SENP7: variants seen among roughly 807,000 people sequenced by gnomAD.
SENP7 encodes SUMO specific peptidase 7.
SENP7 carries 64 observed loss-of-function variants against 141.2 expected under a neutral mutation model. The ratio of observed to expected loss-of-function variants is 0.45; its 90% confidence interval spans 0.37 to 0.56. SENP7 has a LOEUF of 0.56. SENP7 is among the 20% of genes least tolerant of loss of function. SENP7 has a pLI of 0.00. For missense variants in SENP7, 1,025 were observed against 1,212.2 expected, an observed-to-expected ratio of 0.85 and a Z score of 2.29; for synonymous variants, 382 against 426.4, an observed-to-expected ratio of 0.90 and a Z score of 1.28.
At chr3:101,425,185 A>G (rs1390710852) in intron 4 of SENP7, among the ~76,000 whole-genome samples, 1 of 152,212 alleles carries the variant, frequency 6.6e-6, no homozygotes, top group Non-Finnish European at 1.5e-5. Flanking sequence ...TGCTGCTGGC[A>G]CATGCAAATG....
At chr3:101,451,282 G>C (rs144588074) in intron 4 of SENP7, among the ~76,000 whole-genome samples, 1,774 of 152,256 alleles carry the variant, frequency 0.012, 12 homozygotes, top group Middle Eastern at 0.017. Flanking sequence ...AATTCTACCA[G>C]AGGTACAAAG....
At position 101,324,961 on chromosome 3, in the gene SENP7, T is replaced by C. The variant is rs1398340938; in HGVS notation, c.*982A>G. The C allele has an allele frequency of 6.6e-6, 1 of 151,980 alleles. No individual in the cohort carries two copies. Among genetic ancestry groups the C allele is most frequent in the African/African-American group, 2.4e-5 (1 of 41,402 alleles). 9.4% of individuals were successfully genotyped at this position (151,980 alleles called of 1,614,324 possible). On this transcript the variant is annotated 3_prime_UTR_variant, in exon 24 of 24. Coordinates refer to ENST00000394095, the MANE Select transcript of SENP7 (RefSeq NM_020654.5). ...GATCATAGGTCTCTAAAAGCTACAA[T>C]TTAAAAATATAAAAGCAATGAGAGC...
chr3:101,488,034 G>C (rs2064803104), intron 3 of SENP7, among the ~76,000 whole-genome samples: 1 of 152,158 alleles, frequency 6.6e-6, no homozygotes, highest in Non-Finnish European at 1.5e-5. Context: ...CATTGAATCT[G>C]TAGACTGCTT....
intron 4 of SENP7, among the ~76,000 whole-genome samples, chr3:101,431,508 CT>C (rs56937965): frequency 0.041 from 3,395 of 82,872 alleles, 18 homozygotes; most frequent in Non-Finnish European, 0.053. Flanking sequence ...GCAACCCCTG[CT>C]TTTTTTTTTT....
chr3:101,438,592 A>G (rs1302330043), intron 4 of SENP7, among the ~76,000 whole-genome samples: 1 of 152,236 alleles, frequency 6.6e-6, no homozygotes. Flanking sequence ...ATTTTACTAC[A>G]ATAAAAAAAC....
chr3:101,359,302 G>A (rs1311851904), intron 11 of SENP7: 1 of 151,692 alleles, frequency 6.6e-6, no homozygotes, highest in East Asian at 1.9e-4. Context: ...CACTGATTTT[G>A]TGTCCTAAAA....
intron 18 of SENP7, 85 bp from the exon 19 acceptor site, chr3:101,332,194 G>T: frequency 7.6e-7 from 1 of 1,313,348 alleles, no homozygotes. Context: ...GAGAAAGTGA[G>T]AATAAATTTC....
chr3:101,332,940 A>G, intron 17 of SENP7, 78 bp from the exon 18 acceptor site: 1 of 1,339,508 alleles, frequency 7.5e-7, no homozygotes, highest in Non-Finnish European at 1.0e-6. Flanking sequence ...ATTTTTATAT[A>G]TTGAAATATC....
intron 23 of SENP7, among the ~76,000 whole-genome samples, chr3:101,327,301 G>A (rs1292798294): frequency 2.0e-5 from 3 of 152,020 alleles, no homozygotes; most frequent in African/African-American, 7.2e-5. Flanking sequence ...TGTGGTGGGA[G>A]GGACCTGGTA....
At chr3:101,496,863 C>A (rs547825718) in intron 2 of SENP7, among the ~76,000 whole-genome samples, 109 of 152,336 alleles carry the variant, frequency 7.2e-4, no homozygotes, top group African/African-American at 2.4e-3. Flanking sequence ...TAGGCATGAG[C>A]CAACCCACCA....
intron 11 of SENP7, among the ~76,000 whole-genome samples, chr3:101,356,398 T>G (rs1183657329): frequency 6.6e-6 from 1 of 152,192 alleles, no homozygotes; most frequent in Non-Finnish European, 1.5e-5. Flanking sequence ...CAGCATAAAG[T>G]AATTTGAAAG....
intron 2 of SENP7, among the ~76,000 whole-genome samples, chr3:101,499,830 C>T (rs551940296): frequency 5.3e-5 from 8 of 152,158 alleles, no homozygotes; most frequent in Non-Finnish European, 1.0e-4. Flanking sequence ...CCACTGCGCC[C>T]GGCCAATTTT....
At chr3:101,430,474 T>C (rs534294622) in intron 4 of SENP7, among the ~76,000 whole-genome samples, 26 of 152,362 alleles carry the variant, frequency 1.7e-4, no homozygotes, top group South Asian at 1.4e-3. Context: ...TTTATTTGCA[T>C]AGAAGTGTTT....
chr3:101,471,956 C>T (rs1469712232), intron 3 of SENP7, among the ~76,000 whole-genome samples: 1 of 152,214 alleles, frequency 6.6e-6, no homozygotes, highest in Non-Finnish European at 1.5e-5. Flanking sequence ...AATGAGATAC[C>T]ATCTCACGCC....
At chr3:101,386,988 G>A (rs528265453) in intron 6 of SENP7, among the ~76,000 whole-genome samples, 109 of 152,318 alleles carry the variant, frequency 7.2e-4, no homozygotes, top group African/African-American at 2.3e-3. Flanking sequence ...CATCATCTGG[G>A]AGCCTGGGAA....
rs540072021 is a variant in SENP7, at chr3:101,438,853, G to A, written c.284+20102C>T. Among the ~76,000 whole-genome samples, 1,445 of 152,000 alleles carry A rather than the reference G, an allele frequency of 9.5e-3. 23 individuals carry two copies. Among genetic ancestry groups the A allele is most frequent in the African/African-American group, 0.033 (1,387 of 41,516 alleles). ...CGGCGAGCGCCGCCCGGGAGGCAGC[G>A]GCTGGAGGAGCGGACGGGCCCCGCG... On this transcript the variant is annotated intron_variant, in intron 4 of 23. Coordinates refer to ENST00000394095, the MANE Select transcript of SENP7 (RefSeq NM_020654.5).
chr3:101,431,309 G>A (rs999012635), intron 4 of SENP7, among the ~76,000 whole-genome samples: 3 of 151,938 alleles, frequency 2.0e-5, no homozygotes, highest in East Asian at 1.9e-4. Context: ...TATTGTTTGG[G>A]AGTCTAAGTC....
In SENP7 at chr3:101,359,751, G is replaced by A. The variant is rs1161732377; in HGVS notation, c.1623+1964C>T. On this transcript the variant is annotated intron_variant, in intron 11 of 23. Coordinates refer to ENST00000394095, the MANE Select transcript of SENP7 (RefSeq NM_020654.5). ...TGTTTTAATGTATCTATATATGTATGAAGAATATGCAACGATATATACTAT... is the reference window on the plus strand; with the variant it reads ...TGTTTTAATGTATCTATATATGTATAAAGAATATGCAACGATATATACTAT... Among the ~76,000 whole-genome samples the A allele has an allele frequency of 2.0e-5, 3 of 152,100 alleles. No individual in the cohort carries two copies. In the East Asian group the frequency reaches 5.8e-4, roughly 29 times the overall value.
chr3:101,388,235 G>A (rs2060715228), intron 6 of SENP7, among the ~76,000 whole-genome samples: 1 of 152,038 alleles, frequency 6.6e-6, no homozygotes. Context: ...GAAGCCTGGG[G>A]GTCCAAGGAC....
Sources: gnomAD v4.1 joint callset for allele counts (sites outside exome capture counted in the v4.1 genomes callset) on GRCh38, gnomAD v4.1.1 for gene constraint, MANE v1.5 for transcripts, NCBI Gene and HGNC (gene_info 2026-07-23, HGNC 2026-07-21) for gene names.